FOXP2: variants seen among roughly 807,000 people sequenced by gnomAD.
FOXP2 encodes the protein forkhead box P2.
A neutral mutation model predicts 115.8 loss-of-function variants in FOXP2; 12 were observed. That is an observed-to-expected ratio of 0.10 (90% confidence interval 0.07 to 0.17). The LOEUF is 0.17. Among genes scored for constraint, FOXP2 ranks in the 10% least tolerant of loss-of-function variants. FOXP2 has a pLI of 1.00. For missense variants in FOXP2, 629 were observed against 843.5 expected, an observed-to-expected ratio of 0.75 and a Z score of 3.15; for synonymous variants, 328 against 297.7, an observed-to-expected ratio of 1.10 and a Z score of -1.05.
In FOXP2 at chr7:114,554,053, A is replaced by G. The variant is rs570805124; in HGVS notation, c.258+19347A>G. ...AAAAATCTCTATTATTATGTCAATAACAGAGGATACCAAAAATGTAAGGGA... is the reference window on the plus strand; with the variant it reads ...AAAAATCTCTATTATTATGTCAATAGCAGAGGATACCAAAAATGTAAGGGA... On this transcript the variant is annotated intron_variant, in intron 3 of 16. Coordinates refer to ENST00000350908, the MANE Select transcript of FOXP2 (RefSeq NM_014491.4). Among the ~76,000 whole-genome samples, 14 of 152,264 alleles carry G rather than the reference A, an allele frequency of 9.2e-5. No individual in the cohort carries two copies. In the South Asian group the frequency reaches 2.9e-3, roughly 32 times the overall value.
At chr7:114,497,773 G>T (rs1368712050) in intron 2 of FOXP2, among the ~76,000 whole-genome samples, 2 of 152,000 alleles carry the variant, frequency 1.3e-5, no homozygotes, top group East Asian at 3.8e-4. Context: ...AAGACCACAT[G>T]CTTTAAAGTA....
chr7:114,600,000 T>A (rs918277182), intron 3 of FOXP2, among the ~76,000 whole-genome samples: 3 of 152,150 alleles, frequency 2.0e-5, no homozygotes, highest in African/African-American at 4.8e-5. Flanking sequence ...GTGCATTCAT[T>A]ATAAGGATGA....
upstream of FOXP2, among the ~76,000 whole-genome samples, chr7:114,409,690 TC>T (rs1793119365): frequency 6.6e-6 from 1 of 152,182 alleles, no homozygotes; most frequent in African/African-American, 2.4e-5. Flanking sequence ...AGTACTTGCA[TC>T]ATAGAATTAT....
chr7:114,590,126 G>A (rs920829876), intron 3 of FOXP2, among the ~76,000 whole-genome samples: 2 of 152,144 alleles, frequency 1.3e-5, no homozygotes, highest in African/African-American at 4.8e-5. Context: ...TACCTAACGA[G>A]CCTAGTGTAC....
At chr7:114,381,301 C>G (rs1258732391) in intron 2 of FOXP2, among the ~76,000 whole-genome samples, 1 of 152,132 alleles carries the variant, frequency 6.6e-6, no homozygotes, top group Admixed American at 6.5e-5. Flanking sequence ...GGTTTGGAAA[C>G]CTGTAGCCAC....
intron 2 of FOXP2, among the ~76,000 whole-genome samples, chr7:114,339,999 A>T (rs765849320): frequency 4.2e-4 from 64 of 151,336 alleles, no homozygotes; most frequent in African/African-American, 1.4e-3. Flanking sequence ...AAAAATATTT[A>T]AAAAAGGAGT....
chr7:114,595,721 G>A (rs1351280733), intron 3 of FOXP2, among the ~76,000 whole-genome samples: 1 of 151,928 alleles, frequency 6.6e-6, no homozygotes, highest in South Asian at 2.1e-4. Context: ...ACAACATGGG[G>A]AGTCAAAAAA....
chr7:114,575,530 C>CA (rs929398088), intron 3 of FOXP2, among the ~76,000 whole-genome samples: 16 of 151,882 alleles, frequency 1.1e-4, no homozygotes, highest in Non-Finnish European at 2.1e-4. Context: ...TTCACTCACA[C>CA]AAAAAATAGT....
intron 2 of FOXP2, among the ~76,000 whole-genome samples, chr7:114,531,709 G>C (rs190595252): frequency 5.3e-5 from 8 of 151,976 alleles, no homozygotes; most frequent in Non-Finnish European, 1.0e-4. Context: ...ATGATCCTCA[G>C]CTATTTTGGA....
At chr7:114,092,088 A>G (rs1199205027) in intron 1 of FOXP2, among the ~76,000 whole-genome samples, 1 of 152,070 alleles carries the variant, frequency 6.6e-6, no homozygotes, top group Non-Finnish European at 1.5e-5. Flanking sequence ...TAAATGTTGA[A>G]AAGCACATTG....
At chr7:114,250,809 C>G (rs571112856) in intron 1 of FOXP2, among the ~76,000 whole-genome samples, 1 of 152,140 alleles carries the variant, frequency 6.6e-6, no homozygotes, top group Non-Finnish European at 1.5e-5. Context: ...TAATTAGATC[C>G]TATTTGTCAA....
At chr7:114,679,492 T>A (rs957118349) in intron 16 of FOXP2, among the ~76,000 whole-genome samples, 4 of 152,172 alleles carry the variant, frequency 2.6e-5, no homozygotes, top group African/African-American at 9.7e-5. Context: ...CTTTTCATTA[T>A]CCTGCTCAAA....
At chr7:114,654,384 T>G (rs1165914477) in intron 10 of FOXP2, among the ~76,000 whole-genome samples, 1 of 152,188 alleles carries the variant, frequency 6.6e-6, no homozygotes, top group Non-Finnish European at 1.5e-5. Context: ...TGTGGTGTGC[T>G]GAAGAAGGCA....
rs398005920 is a variant in FOXP2, at chr7:114,378,684, C to CAAAAAAAAAAAAAAAAAAAAAAAAAA, written c.-10-47801_-10-47800insAAAAAAAAAAAAAAAAAAAAAAAAAA. 3.9e-4 allele frequency among the ~76,000 whole-genome samples: 7 copies of CAAAAAAAAAAAAAAAAAAAAAAAAAA among 18,090 alleles called. 1 individual carries two copies. The highest frequency in any genetic ancestry group is 1.1e-3 in the Admixed American group (1 of 906). The allele number at this position is 18,090 out of a possible 152,430, so 11.9% of individuals were successfully genotyped here. On this transcript the variant is annotated intron_variant, in intron 2 of 17. Coordinates refer to the FOXP2 transcript ENST00000634411. ...GTGAGACAATGTAAGACCCTGTCTC[C>CAAAAAAAAAAAAAAAAAAAAAAAAAA]AAAAAAAAAAAAAAAAAGGAAAAGA... is the stretch of plus-strand genomic sequence containing the variant.
intron 1 of FOXP2, among the ~76,000 whole-genome samples, chr7:114,115,863 T>C (rs967256441): frequency 6.6e-6 from 1 of 152,152 alleles, no homozygotes; most frequent in Admixed American, 6.5e-5. Context: ...GCACCTGGTG[T>C]ATGGTAGGAA....
At chr7:114,279,378 CAG>C (rs2129174534) in intron 1 of FOXP2, among the ~76,000 whole-genome samples, 1 of 152,284 alleles carries the variant, frequency 6.6e-6, no homozygotes, top group African/African-American at 2.4e-5. Context: ...TCAGAATTGT[CAG>C]AGTCCTTATA....
intron 3 of FOXP2, among the ~76,000 whole-genome samples, chr7:114,563,560 G>A (rs1017204548): frequency 6.6e-6 from 1 of 152,162 alleles, no homozygotes; most frequent in Non-Finnish European, 1.5e-5. Context: ...AGAGCTCTGC[G>A]TGTGATGCTG....
intron 2 of FOXP2, among the ~76,000 whole-genome samples, chr7:114,402,396 C>T (rs1221508203): frequency 1.3e-5 from 2 of 152,102 alleles, no homozygotes; most frequent in Non-Finnish European, 2.9e-5. Flanking sequence ...AGGGTCTCCA[C>T]CTCTAGAGGT....
Position 114,415,083 on chromosome 7 carries a change from G to T in FOXP2, c.-288G>T, listed in dbSNP as rs886216135. 8.8e-6 allele frequency: 4 copies of T among 454,034 alleles called. No homozygotes were observed. Among genetic ancestry groups the T allele is most frequent in the Non-Finnish European group, 1.8e-5 (4 of 226,632 alleles). The allele number at this position is 454,034 out of a possible 1,614,324, so 28.1% of individuals were successfully genotyped here. ...ATTTTGTGTACGATTGTCCACGGAC[G>T]CCAAAACAATCACAGAGCTGCTTGA... On this transcript the variant is annotated 5_prime_UTR_variant, in exon 1 of 17. Transcript: ENST00000350908.
Sources: allele counts gnomAD v4.1 joint callset (sites outside exome capture counted in the v4.1 genomes callset), GRCh38; gene constraint gnomAD v4.1.1; transcripts MANE v1.5; gene names NCBI Gene and HGNC (gene_info 2026-07-23, HGNC 2026-07-21).